The following FRMPD1 variants were observed in gnomAD, a reference collection of about 807,000 sequenced individuals.
The protein encoded by FRMPD1 is FERM and PDZ domain-containing protein 1.
FRMPD1 carries 76 observed loss-of-function variants against 117.8 expected under a neutral mutation model. That is an observed-to-expected ratio of 0.65 (90% confidence interval 0.54 to 0.78). The LOEUF (loss-of-function observed/expected upper bound fraction) is 0.78. Ranked by LOEUF, FRMPD1 falls within the 30% of genes least tolerant of loss-of-function variation. The probability of loss-of-function intolerance (pLI) is 0.00; values close to 1 mark genes in which losing one functional copy is unlikely to be tolerated. For synonymous variants in FRMPD1, 783 were observed against 770.4 expected (o/e 1.02, Z -0.27); for missense variants, 1,786 against 1,964.5 (o/e 0.91, Z 1.72).
chr9:37,618,263 A>T, the FRMPD1 span, among the ~76,000 whole-genome samples: 1 of 152,192 alleles, frequency 6.6e-6, no homozygotes, highest in African/African-American at 2.4e-5. Context: ...TTCAAATTGA[A>T]TCTTTAATAC....
At position 37,733,732 on chromosome 9, in the gene FRMPD1, A is replaced by C. The variant is rs914540861; in HGVS notation, c.1125A>C (p.Gln375His). ...AGTGTTTTTTTTTCTCTATTAAGCA[A>C]CTTATTTCTGCTGCCCAGCTACGTT... is the stretch of plus-strand genomic sequence containing the variant. The part of the protein sequence containing the change: ...NQNLLEPRQK[Q>H]LISAAQLRLN... Residue 375 changes from glutamine to histidine, a missense_variant and splice_region_variant, in exon 12 of 16, where the codon CAA (glutamine) becomes CAC (histidine). Gln to His is a conservative substitution (Grantham distance 24, BLOSUM62 0). Transcript: ENST00000377765. 1.2e-6 allele frequency: 2 copies of C among 1,601,468 alleles called. No individual in the cohort carries two copies. Among genetic ancestry groups the C allele is most frequent in the Non-Finnish European group, 1.7e-6 (2 of 1,168,638 alleles).
At chr9:37,611,951 T>C in the FRMPD1 span, among the ~76,000 whole-genome samples, 3 of 152,210 alleles carry the variant, frequency 2.0e-5, no homozygotes, top group Non-Finnish European at 2.9e-5. Flanking sequence ...CCAGTGGCGA[T>C]TCCCAGTGGA....
At chr9:37,668,841 C>A (rs1207498514) in intron 1 of FRMPD1, among the ~76,000 whole-genome samples, 1 of 152,116 alleles carries the variant, frequency 6.6e-6, no homozygotes, top group Non-Finnish European at 1.5e-5. Flanking sequence ...AATTATTTCT[C>A]ACATTTGTTT....
Position 37,746,885 on chromosome 9 carries a change from TA to T in FRMPD1, c.*119del. ...ATGTTTACTATATAGAGTATTCAAA[TA>T]AACTGCTGCTTAATCTTGGCCTGAG... On this transcript the variant is annotated 3_prime_UTR_variant, in exon 16 of 16. Transcript: ENST00000377765. 1 of 686,336 alleles carries T rather than the reference TA, an allele frequency of 1.5e-6. No homozygotes were observed. The highest frequency in any genetic ancestry group is 1.9e-5 in the South Asian group (1 of 53,888). The allele number at this position is 686,336 out of a possible 1,614,324, so 42.5% of individuals were successfully genotyped here.
chr9:37,605,268 CTG>C, the FRMPD1 span, among the ~76,000 whole-genome samples: 2 of 152,228 alleles, frequency 1.3e-5, no homozygotes, highest in East Asian at 3.8e-4. Flanking sequence ...GTGGGAGGCT[CTG>C]TTTGGCTCAG....
In FRMPD1 at chr9:37,746,176, C is replaced by G. The variant is rs781229727; in HGVS notation, c.4144C>G (p.Pro1382Ala). ...AGSPVVLPWR[P>A]ARAHSCTTAP... ...AAGCCCGGTGGTTCTGCCCTGGAGG[C>G]CTGCCCGAGCCCACAGCTGCACCAC... Residue 1382 changes from proline (P) to alanine (A), a missense_variant, in exon 16 of 16, where the codon CCT becomes GCT. Coordinates refer to ENST00000377765, the MANE Select transcript of FRMPD1 (RefSeq NM_014907.3). The G allele has an allele frequency of 3.7e-6, 6 of 1,613,476 alleles. No homozygotes were observed. Among genetic ancestry groups the G allele is most frequent in the Admixed American group, 3.3e-5 (2 of 60,014 alleles).
chr9:37,632,093 T>G, the FRMPD1 span, among the ~76,000 whole-genome samples: 1 of 152,338 alleles, frequency 6.6e-6, no homozygotes, highest in African/African-American at 2.4e-5. Context: ...TGTACAATAA[T>G]GGGATTATTT....
At chr9:37,675,581 C>G (rs975344837) in intron 1 of FRMPD1, among the ~76,000 whole-genome samples, 1 of 152,006 alleles carries the variant, frequency 6.6e-6, no homozygotes, top group African/African-American at 2.4e-5. Flanking sequence ...AGGTGGATGC[C>G]TGGGTTCTGG....
rs773252005 is a variant in FRMPD1, at chr9:37,740,667, C to T, written c.2139C>T (p.Val713=). 44 of 1,614,042 alleles carry T rather than the reference C, an allele frequency of 2.7e-5. No homozygotes were observed. The Admixed American group carries it at 7.3e-4, about 27-fold the overall frequency. Residue 713 remains valine, a synonymous_variant, in exon 15 of 16, where the codon GTC becomes GTT. Transcript: ENST00000377765. This position sits in a 1 kb window ranked among gnomAD's most constrained non-coding sequence, Gnocchi z 4.2. ...HADYYSLCSS[V]SPASYLSDSS... is the part of the protein sequence containing the mutation. ...ACTACTACAGCCTGTGTTCCAGTGT[C>T]TCCCCGGCCAGCTACCTGAGTGACA...
chr9:37,691,670 A>C (rs2118021907), intron 1 of FRMPD1, among the ~76,000 whole-genome samples: 1 of 152,294 alleles, frequency 6.6e-6, no homozygotes, highest in East Asian at 1.9e-4. Context: ...TTGGGAGGCC[A>C]AGGCGGGCAG....
chr9:37,676,238 A>G (rs1437237436), intron 1 of FRMPD1, among the ~76,000 whole-genome samples: 1 of 152,112 alleles, frequency 6.6e-6, no homozygotes, highest in Non-Finnish European at 1.5e-5. Context: ...TCAAGGAAGA[A>G]GACATGCAGT....
intron 6 of FRMPD1, among the ~76,000 whole-genome samples, chr9:37,724,015 A>T (rs1415896741): frequency 2.0e-5 from 3 of 150,986 alleles, no homozygotes; most frequent in South Asian, 2.1e-4. Flanking sequence ...TAAAAAAAAT[A>T]AAAAAAAATA....
rs1423188100 is a variant in FRMPD1, at chr9:37,741,113, C to G, written c.2356+229C>G. 3 of 571,962 alleles carry G rather than the reference C, an allele frequency of 5.2e-6. No homozygotes were observed. The African/African-American group carries it at 5.6e-5, about 11-fold the overall frequency. The allele number at this position is 571,962 out of a possible 1,614,324, so 35.4% of individuals were successfully genotyped here. ...AAGCAGATGGGAGGGATTCATCCAA[C>G]AGTGGGAATCAGGGAAGGCTTCCCA... On this transcript the variant is annotated intron_variant, in intron 15 of 15. Coordinates refer to ENST00000377765, the MANE Select transcript of FRMPD1 (RefSeq NM_014907.3).
In FRMPD1 at chr9:37,695,483, G is replaced by T. The variant is rs1358882663; in HGVS notation, c.101+2741G>T. On this transcript the variant is annotated intron_variant, in intron 2 of 15. Coordinates refer to ENST00000377765, the MANE Select transcript of FRMPD1 (RefSeq NM_014907.3). ...AGAAAGAGAAAAACAAAGAGATAAA[G>T]TTTCCTGTCACTGCCCATGGAAGAC... Among the ~76,000 whole-genome samples the T allele has an allele frequency of 5.9e-5, 9 of 152,252 alleles. 1 individual carries two copies. The South Asian group carries it at 1.9e-3, about 32-fold the overall frequency.
intron 14 of FRMPD1, among the ~76,000 whole-genome samples, chr9:37,739,449 C>T (rs1473322419): frequency 6.6e-6 from 1 of 152,136 alleles, no homozygotes; most frequent in Non-Finnish European, 1.5e-5. Flanking sequence ...TGGCTCAGTG[C>T]TCCCCAGCCT....
At chr9:37,668,739 A>G (rs1358360230) in intron 1 of FRMPD1, 2 of 152,180 alleles carry the variant, frequency 1.3e-5, no homozygotes, top group Non-Finnish European at 2.9e-5. Context: ...GTTCTTGAGC[A>G]CTTATCCTTT....
rs1042517780 is a variant in FRMPD1 at position 37,745,258 on chromosome 9, T to C, written c.3226T>C (p.Leu1076=). 3.7e-6 allele frequency: 6 copies of C among 1,612,774 alleles called. No homozygotes were observed. The African/African-American group carries it at 5.3e-5, about 14-fold the overall frequency. ...TGCCCCCAAATACACAGAGCCTTTG[T>C]TGTCTCCTAGAGATGAGCCTAGAAG... ...ETAPKYTEPL[L]SPRDEPRSDE... Residue 1076 remains leucine, a synonymous_variant, in exon 16 of 16, where the codon TTG becomes CTG. Transcript: ENST00000377765.
intron 4 of FRMPD1, among the ~76,000 whole-genome samples, chr9:37,709,223 A>G (rs1822821525): frequency 6.6e-6 from 1 of 152,142 alleles, no homozygotes; most frequent in Admixed American, 6.6e-5. Context: ...TGTTCTAATG[A>G]CTAGTATAAA....
At chr9:37,613,058 A>AT in the FRMPD1 span, among the ~76,000 whole-genome samples, 5 of 152,310 alleles carry the variant, frequency 3.3e-5, 1 homozygote, top group Non-Finnish European at 7.4e-5. Context: ...AGTCATGAAA[A>AT]CGTTCAAGCA....
Sources: gnomAD v4.1 joint callset for allele counts (sites outside exome capture counted in the v4.1 genomes callset) on GRCh38, gnomAD v4.1.1 for gene constraint, Gnocchi (gnomAD v3.1) non-coding constraint, MANE v1.5 for transcripts, NCBI Gene and HGNC (gene_info 2026-07-23, HGNC 2026-07-21) for gene names.